The following CFTR variants were observed in gnomAD, a reference collection of about 807,000 sequenced individuals.
The protein encoded by CFTR is cystic fibrosis transmembrane conductance regulator.
In CFTR, 181 loss-of-function variants were observed where a neutral mutation model predicts 171.6. The observed-to-expected ratio is 1.05, with a 90% CI of 0.93 to 1.19. The LOEUF (loss-of-function observed/expected upper bound fraction) is 1.19. CFTR is among the 50% of genes most tolerant of loss of function. The pLI, the probability that CFTR is intolerant of heterozygous loss-of-function variation, is 0.00. For missense variants in CFTR, 1,968 were observed against 1,734.7 expected, an observed-to-expected ratio of 1.13 and a Z score of -2.39; for synonymous variants, 583 against 608.0, an observed-to-expected ratio of 0.96 and a Z score of 0.60.
intron 19 of CFTR, 100 bp downstream of exon 19, chr7:117,610,769 A>G: frequency 7.9e-7 from 1 of 1,258,188 alleles, no homozygotes; most frequent in African/African-American, 1.5e-5. Context: ...CTGCTTTTAA[A>G]CTTTTACATC....
intron 24 of CFTR, among the ~76,000 whole-genome samples, chr7:117,663,278 A>G (rs376278485): frequency 4.5e-4 from 68 of 152,292 alleles, no homozygotes; most frequent in East Asian, 3.3e-3. Context: ...CTTTATTCAT[A>G]TTCTCAGCAC....
intron 22 of CFTR, among the ~76,000 whole-genome samples, chr7:117,634,351 TA>T (rs1377827763): frequency 2.6e-5 from 4 of 152,122 alleles, no homozygotes; most frequent in Non-Finnish European, 5.9e-5. Context: ...TTATTGATAT[TA>T]GCAATTTGTG....
rs371867953 is a variant in CFTR, at chr7:117,536,930, T to C, written c.869+257T>C. Among the ~76,000 whole-genome samples the C allele has an allele frequency of 6.6e-5, 10 of 152,316 alleles. No individual in the cohort carries two copies. In the East Asian group the frequency reaches 1.7e-3, roughly 26 times the overall value. ...ACGTTATTAAAGAATTTCCTACATATGTTCACTGCTGCTCAATACATTTAT... is the reference window on the plus strand; with the variant it reads ...ACGTTATTAAAGAATTTCCTACATACGTTCACTGCTGCTCAATACATTTAT... On this transcript the variant is annotated intron_variant, in intron 7 of 26. Transcript: ENST00000003084.
intron 15 of CFTR, among the ~76,000 whole-genome samples, chr7:117,596,412 G>A (rs965778336): frequency 1.4e-4 from 21 of 152,230 alleles, no homozygotes; most frequent in African/African-American, 4.6e-4. Flanking sequence ...GTGGGCTCCT[G>A]CGTGGCCCAA....
rs748576311 is a variant in CFTR, at chr7:117,589,998, AT to A, written c.1680-349del. On this transcript the variant is annotated intron_variant, in intron 12 of 26. Transcript: ENST00000003084. ...TCTAAATAGATACTATTGTTAAAAT[AT>A]TTTTTAAGGTAATATTTTAAAGTGT... 7.9e-5 allele frequency among the ~76,000 whole-genome samples: 12 copies of A among 152,098 alleles called. No individual in the cohort carries two copies. In the East Asian group the frequency reaches 2.1e-3, roughly 27 times the overall value.
At chr7:117,642,408 A>G in intron 22 of CFTR, 30 bp from the exon 23 acceptor site, 1 of 1,603,656 alleles carries the variant, frequency 6.2e-7, no homozygotes, top group Non-Finnish European at 8.5e-7. Context: ...TATATGTCAC[A>G]GAAGTGATCC....
intron 24 of CFTR, among the ~76,000 whole-genome samples, chr7:117,657,424 C>T (rs992537186): frequency 1.3e-5 from 2 of 152,028 alleles, no homozygotes; most frequent in Non-Finnish European, 2.9e-5. Flanking sequence ...TAGTAGTGTG[C>T]TTTTTTGATT....
At chr7:117,583,342 C>T (rs913271196) in intron 11 of CFTR, among the ~76,000 whole-genome samples, 1 of 151,336 alleles carries the variant, frequency 6.6e-6, no homozygotes, top group Non-Finnish European at 1.5e-5. Flanking sequence ...CTTCCTTTAT[C>T]GTCCCCAAAG....
In CFTR at chr7:117,594,932, G is replaced by A. The variant is rs1301647941; in HGVS notation, c.2493G>A (p.Glu831=). 1 of 1,612,870 alleles carries A rather than the reference G, an allele frequency of 6.2e-7. No individual in the cohort carries two copies. Among genetic ancestry groups the A allele is most frequent in the Non-Finnish European group, 8.5e-7 (1 of 1,179,286 alleles). ...SEEINEEDLK[E]CFFDDMESIP... is the part of the protein sequence containing the mutation. ...ATAGCCATAATTCTTTTATTCAGGA[G>A]TGCTTTTTTGATGATATGGAGAGCA... The change falls in exon 15 of 27, where the codon GAG becomes GAA. Residue 831 remains glutamate (E), a splice_region_variant and synonymous_variant. Transcript: ENST00000003084.
chr7:117,546,110 C>T (rs2115894387), intron 9 of CFTR, among the ~76,000 whole-genome samples: 1 of 152,214 alleles, frequency 6.6e-6, no homozygotes, highest in African/African-American at 2.4e-5. Context: ...TCTCCTGCCT[C>T]AGCCTCCTGA....
In CFTR at chr7:117,530,827, T is replaced by C. The variant is rs1798846773; in HGVS notation, c.274-72T>C. 9.9e-6 allele frequency: 10 copies of C among 1,007,680 alleles called. No homozygotes were observed. In the South Asian group the frequency reaches 1.4e-4, roughly 14 times the overall value. The allele number at this position is 1,007,680 out of a possible 1,614,324, so 62.4% of individuals were successfully genotyped here. On this transcript the variant is annotated intron_variant, in intron 3 of 26. Transcript: ENST00000003084. ...AGTCTCCTCTAAAGATGAAAAGTCT[T>C]GTGTTGAAATTCTCAGGGTATTTTA...
intron 9 of CFTR, among the ~76,000 whole-genome samples, chr7:117,544,406 G>A (rs1246272441): frequency 2.6e-5 from 4 of 152,016 alleles, no homozygotes; most frequent in East Asian, 1.9e-4. Context: ...CAAAATTCCC[G>A]TCTTTTCTCA....
At chr7:117,622,400 A>C (rs992673334) in intron 21 of CFTR, among the ~76,000 whole-genome samples, 1 of 152,102 alleles carries the variant, frequency 6.6e-6, no homozygotes, top group Non-Finnish European at 1.5e-5. Context: ...GAGTATTGAA[A>C]AGCATAGTTT....
At chr7:117,606,298 AAGGG>A (rs1469830678) in intron 17 of CFTR, among the ~76,000 whole-genome samples, 1 of 152,168 alleles carries the variant, frequency 6.6e-6, no homozygotes, top group Non-Finnish European at 1.5e-5. Flanking sequence ...ATACAAATGG[AAGGG>A]AAATGATGAC....
intron 3 of CFTR, among the ~76,000 whole-genome samples, chr7:117,524,324 A>T (rs188740480): frequency 7.2e-5 from 11 of 151,894 alleles, no homozygotes; most frequent in African/African-American, 2.7e-4. Context: ...TAGATAGCAC[A>T]TGTAAATCCA....
At chr7:117,486,491 T>C (rs1225296592) in intron 1 of CFTR, among the ~76,000 whole-genome samples, 4 of 152,096 alleles carry the variant, frequency 2.6e-5, no homozygotes, top group African/African-American at 9.7e-5. Flanking sequence ...CTGGGGGAAG[T>C]GTCTTTTGTA....
At chr7:117,660,693 T>TAC (rs1480488922) in intron 24 of CFTR, among the ~76,000 whole-genome samples, 1 of 151,462 alleles carries the variant, frequency 6.6e-6, no homozygotes, top group East Asian at 1.9e-4. Context: ...TGTGTGTATA[T>TAC]ACACACACAT....
intron 22 of CFTR, chr7:117,628,044 A>T: frequency 3.6e-6 from 1 of 278,412 alleles, no homozygotes; most frequent in East Asian, 7.1e-5. Flanking sequence ...AAGCCATTAA[A>T]TAAATCAAAA....
At chr7:117,570,250 G>A in intron 11 of CFTR, among the ~76,000 whole-genome samples, 1 of 150,862 alleles carries the variant, frequency 6.6e-6, no homozygotes, top group East Asian at 1.9e-4. Flanking sequence ...AAAAGAGGCA[G>A]AAAGACAGAA....
Sources: allele counts gnomAD v4.1 joint callset (sites outside exome capture counted in the v4.1 genomes callset), GRCh38; gene constraint gnomAD v4.1.1; transcripts MANE v1.5; gene names NCBI Gene and HGNC (gene_info 2026-07-23, HGNC 2026-07-21).